Variants in IGFL4 observed in about 807,000 individuals in gnomAD.
IGFL4 encodes the protein insulin growth factor-like family member 4.
Under a neutral mutation model 15.4 loss-of-function variants are expected in IGFL4, and 12 were observed. That is an observed-to-expected ratio of 0.78 (90% confidence interval 0.50 to 1.26). The LOEUF (loss-of-function observed/expected upper bound fraction) is 1.26, where lower values mean the gene tolerates loss of function less well. Among genes scored for constraint, IGFL4 ranks in the 50% most tolerant of loss-of-function variants. The pLI, the probability that IGFL4 is intolerant of heterozygous loss-of-function variation, is 0.00. For synonymous variants in IGFL4, 54 were observed against 55.9 expected, an observed-to-expected ratio of 0.97 and a Z score of 0.16; for missense variants, 126 against 147.8, an observed-to-expected ratio of 0.85 and a Z score of 0.76.
At chr19:46,067,585 G>A (rs188210281) in intron 1 of IGFL4, among the ~76,000 whole-genome samples, 119 of 152,284 alleles carry the variant, frequency 7.8e-4, no homozygotes, top group African/African-American at 7.5e-4. Flanking sequence ...TCTCATTGCC[G>A]ACCCCATTCG....
intron 1 of IGFL4, among the ~76,000 whole-genome samples, chr19:46,064,273 TCTC>T (rs1179462029): frequency 6.6e-6 from 1 of 152,164 alleles, no homozygotes; most frequent in Non-Finnish European, 1.5e-5. Context: ...GGGGTTTCCA[TCTC>T]CTCAAGCATT....
chr19:46,054,468 C>T (rs184183249), intron 2 of IGFL4, among the ~76,000 whole-genome samples: 51 of 152,230 alleles, frequency 3.4e-4, no homozygotes, highest in African/African-American at 1.2e-3. Flanking sequence ...GTCTCTGTGT[C>T]TATTTTTATG....
intron 1 of IGFL4, among the ~76,000 whole-genome samples, chr19:46,063,372 C>T (rs1222383068): frequency 7.3e-5 from 11 of 150,488 alleles, no homozygotes; most frequent in Admixed American, 7.3e-4. Flanking sequence ...CACACATACA[C>T]GATCCCTCTG....
At chr19:46,067,836 C>T (rs564381429) in intron 1 of IGFL4, among the ~76,000 whole-genome samples, 1 of 152,278 alleles carries the variant, frequency 6.6e-6, no homozygotes, top group South Asian at 2.1e-4. Flanking sequence ...AGATCTGTGA[C>T]ATCATGGAGA....
intron 2 of IGFL4, among the ~76,000 whole-genome samples, chr19:46,056,668 A>G (rs1969395661): frequency 2.6e-5 from 4 of 152,350 alleles, no homozygotes; most frequent in Admixed American, 2.6e-4. Context: ...AGAGACGAGG[A>G]GGAGTCAGGA....
chr19:46,042,005 A>AT (rs1185917477), upstream of IGFL4, among the ~76,000 whole-genome samples: 2 of 151,568 alleles, frequency 1.3e-5, no homozygotes, highest in African/African-American at 4.8e-5. Flanking sequence ...GGCCTGGCTA[A>AT]TTTTTTTGTA....
chr19:46,052,284 T>C (rs1969352247), intron 2 of IGFL4, among the ~76,000 whole-genome samples: 1 of 152,150 alleles, frequency 6.6e-6, no homozygotes, highest in African/African-American at 2.4e-5. Context: ...ATCAAAATTA[T>C]ATCAAATACT....
intron 2 of IGFL4, chr19:46,060,014 G>A (rs1365671720): frequency 6.6e-6 from 1 of 152,152 alleles, no homozygotes; most frequent in Non-Finnish European, 1.5e-5. Context: ...TTCCCAAGGG[G>A]CTTTTATTGG....
chr19:46,060,931 A>C (rs1412564159), intron 1 of IGFL4, among the ~76,000 whole-genome samples: 4 of 152,210 alleles, frequency 2.6e-5, no homozygotes, highest in Non-Finnish European at 5.9e-5. Context: ...GTTTGACCAT[A>C]AGGTAAGATT....
chr19:46,066,495 A>G (rs554560133), intron 1 of IGFL4, among the ~76,000 whole-genome samples: 3 of 152,322 alleles, frequency 2.0e-5, no homozygotes, highest in Admixed American at 1.3e-4. Flanking sequence ...TTGCATTGCT[A>G]TAAGGAAATA....
chr19:46,040,983 G>A lies in IGFL4; in HGVS notation c.-21C>T, dbSNP rs745369787. The A allele has an allele frequency of 8.2e-6, 13 of 1,577,068 alleles. No individual in the cohort carries two copies. Among genetic ancestry groups the A allele is most frequent in the African/African-American group, 6.8e-5 (5 of 73,454 alleles). On this transcript the variant is annotated 5_prime_UTR_variant, in exon 1 of 4. Coordinates refer to ENST00000377697, the MANE Select transcript of IGFL4 (RefSeq NM_001002923.3). The surrounding 1 kb of genome is among the most constrained non-coding windows in gnomAD (Gnocchi z 4.1). ...ACCATGGGTTAGGCTTCAGAGCAGC[G>A]GACGAGGGAGCAGCAGTGGAAATGG...
chr19:46,042,447 T>C (rs185766109), upstream of IGFL4, among the ~76,000 whole-genome samples: 292 of 152,196 alleles, frequency 1.9e-3, 1 homozygote, highest in African/African-American at 6.8e-3. Flanking sequence ...TTATGACCAC[T>C]TGAAAGGGAA....
At chr19:46,052,019 A>G (rs1409373898) in intron 2 of IGFL4, among the ~76,000 whole-genome samples, 2 of 152,246 alleles carry the variant, frequency 1.3e-5, no homozygotes, top group Non-Finnish European at 2.9e-5. Context: ...TGAGATAGAC[A>G]GCAACACAGT....
At chr19:46,064,819 T>G (rs957552295) in intron 1 of IGFL4, among the ~76,000 whole-genome samples, 1 of 152,228 alleles carries the variant, frequency 6.6e-6, no homozygotes, top group Non-Finnish European at 1.5e-5. Flanking sequence ...TATCCAGCAG[T>G]AGGATCATAT....
chr19:46,055,771 G>C (rs1037707298), intron 2 of IGFL4, among the ~76,000 whole-genome samples: 1 of 151,980 alleles, frequency 6.6e-6, no homozygotes, highest in African/African-American at 2.4e-5. Context: ...TTTTGTGAGA[G>C]CTCAGTTTAA....
At chr19:46,063,610 GCA>G (rs952942668) in intron 1 of IGFL4, among the ~76,000 whole-genome samples, 2 of 152,126 alleles carry the variant, frequency 1.3e-5, no homozygotes, top group African/African-American at 4.8e-5. Flanking sequence ...TCTGCATCTA[GCA>G]CAGAGCCCTG....
At chr19:46,069,233 A>G (rs1199363332) in intron 1 of IGFL4, among the ~76,000 whole-genome samples, 1 of 152,038 alleles carries the variant, frequency 6.6e-6, no homozygotes, top group Non-Finnish European at 1.5e-5. Context: ...TCTTTCCCCC[A>G]ATTTTCTCTC....
intron 2 of IGFL4, among the ~76,000 whole-genome samples, chr19:46,055,922 G>A (rs901046358): frequency 1.2e-4 from 19 of 152,006 alleles, no homozygotes; most frequent in South Asian, 8.3e-4. Context: ...GATTACAGGT[G>A]CCCACCACCG....
chr19:46,065,236 G>GATA (rs1555815593), intron 1 of IGFL4, among the ~76,000 whole-genome samples: 3 of 151,684 alleles, frequency 2.0e-5, no homozygotes, highest in Non-Finnish European at 4.4e-5. Context: ...TCATCATATG[G>GATA]GTTTGCAAAT....
Sources: gnomAD v4.1 joint callset for allele counts (sites outside exome capture counted in the v4.1 genomes callset) on GRCh38, gnomAD v4.1.1 for gene constraint, Gnocchi (gnomAD v3.1) non-coding constraint, MANE v1.5 for transcripts, NCBI Gene and HGNC (gene_info 2026-07-23, HGNC 2026-07-21) for gene names.